The following MAML3 variants were observed in gnomAD, a reference collection of about 807,000 sequenced individuals.
MAML3 encodes mastermind like transcriptional coactivator 3.
In MAML3, 27 loss-of-function variants were observed where a neutral mutation model predicts 101.9. The observed-to-expected ratio is 0.27, with a 90% CI of 0.20 to 0.37. The LOEUF (loss-of-function observed/expected upper bound fraction) is 0.37, where lower values mean the gene tolerates loss of function less well. Ranked by LOEUF, MAML3 falls within the 10% of genes least tolerant of loss-of-function variation. The pLI is 1.00. For missense variants in MAML3, 1,316 were observed against 1,444.9 expected, an observed-to-expected ratio of 0.91 and a Z score of 1.45; for synonymous variants, 501 against 555.9, an observed-to-expected ratio of 0.90 and a Z score of 1.39.
In MAML3 at chr4:139,725,734, G is replaced by A. The variant is rs773479439; in HGVS notation, c.2416+17C>T. 4.3e-6 allele frequency: 7 copies of A among 1,612,144 alleles called. No individual in the cohort carries two copies. The South Asian group carries it at 6.6e-5, about 15-fold the overall frequency. On this transcript the variant is annotated intron_variant, in intron 4 of 4. Coordinates refer to ENST00000509479, the MANE Select transcript of MAML3 (RefSeq NM_018717.5). Reference sequence around the variant, plus strand: ...CCACTGGAAGGTATAAAATGAGAGAGGTTGCACTGGCCTCACCTTGAAACT... The same window carrying A: ...CCACTGGAAGGTATAAAATGAGAGAAGTTGCACTGGCCTCACCTTGAAACT...
intron 1 of MAML3, among the ~76,000 whole-genome samples, chr4:139,927,072 C>CTTTTTTTTTTTTTTTTTTCTT (rs61573991): frequency 3.0e-5 from 4 of 134,728 alleles, no homozygotes; most frequent in Admixed American, 7.4e-5. Context: ...TTTCTTTTTT[C>CTTTTTTTTTTTTTTTTTTCTT]TTTTTTTTTT....
chr4:139,803,045 T>C (rs1029558119), intron 2 of MAML3, among the ~76,000 whole-genome samples: 25 of 152,182 alleles, frequency 1.6e-4, no homozygotes, highest in African/African-American at 4.1e-4. Context: ...ATATCCAGAT[T>C]TGTGGCTCTT....
intron 2 of MAML3, among the ~76,000 whole-genome samples, chr4:139,788,413 A>G (rs1204738737): frequency 1.3e-5 from 2 of 152,166 alleles, no homozygotes; most frequent in East Asian, 1.9e-4. Flanking sequence ...CTTATCTTAG[A>G]TACCAAGAGA....
At chr4:139,866,264 C>A (rs1387785223) in intron 2 of MAML3, among the ~76,000 whole-genome samples, 1 of 152,242 alleles carries the variant, frequency 6.6e-6, no homozygotes, top group Non-Finnish European at 1.5e-5. Context: ...TACATCTGCA[C>A]TCTTGCCTTG....
chr4:140,040,096 G>A (rs1263729803), intron 1 of MAML3, among the ~76,000 whole-genome samples: 1 of 152,166 alleles, frequency 6.6e-6, no homozygotes, highest in East Asian at 1.9e-4. Flanking sequence ...GGGTGCTACC[G>A]AATTCTGACT....
rs575698368 is a variant in MAML3, at chr4:140,036,558, T to C, written c.468+116302A>G. Among the ~76,000 whole-genome samples the C allele has an allele frequency of 3.4e-4, 52 of 152,124 alleles. 2 individuals are homozygous for C. In the South Asian group the frequency reaches 0.01, roughly 30 times the overall value. On this transcript the variant is annotated intron_variant, in intron 1 of 4. Coordinates refer to ENST00000509479, the MANE Select transcript of MAML3 (RefSeq NM_018717.5). ...TGATGGCTCAGTGTAGACTGTACGG[T>C]GTGCCAGAGAGTCCAAGCACAGCTC...
intron 1 of MAML3, among the ~76,000 whole-genome samples, chr4:140,007,267 C>T (rs1161454419): frequency 6.6e-6 from 1 of 152,200 alleles, no homozygotes; most frequent in Non-Finnish European, 1.5e-5. Flanking sequence ...GAAAAGACCT[C>T]ATAGCGGCTA....
At chr4:139,936,043 G>C (rs1001937624) in intron 1 of MAML3, among the ~76,000 whole-genome samples, 10 of 151,848 alleles carry the variant, frequency 6.6e-5, no homozygotes, top group Admixed American at 3.9e-4. Context: ...CATTTTCCCC[G>C]CCTCCCAGCC....
intron 2 of MAML3, among the ~76,000 whole-genome samples, chr4:139,798,157 T>A (rs1279187803): frequency 6.6e-6 from 1 of 151,584 alleles, no homozygotes; most frequent in Non-Finnish European, 1.5e-5. Flanking sequence ...TATACGGGAG[T>A]TCACAGAAGC....
At chr4:140,067,136 G>C (rs748186541) in intron 1 of MAML3, among the ~76,000 whole-genome samples, 5 of 152,010 alleles carry the variant, frequency 3.3e-5, no homozygotes, top group Non-Finnish European at 7.4e-5. Context: ...AAGAACTCAG[G>C]ATAGTAATCA....
At chr4:139,726,224 C>G (rs754918989) in intron 3 of MAML3, among the ~76,000 whole-genome samples, 6 of 152,184 alleles carry the variant, frequency 3.9e-5, no homozygotes, top group Non-Finnish European at 7.4e-5. Flanking sequence ...TTGCATTCAC[C>G]ACTGTATTTG....
intron 2 of MAML3, among the ~76,000 whole-genome samples, chr4:139,829,038 A>AAGGG (rs1263359206): frequency 3.4e-5 from 4 of 117,402 alleles, no homozygotes; most frequent in African/African-American, 1.2e-4. Context: ...CGGACGGACT[A>AAGGG]AGGGAGGGAG....
chr4:140,073,707 AATCC>A (rs920757942), intron 1 of MAML3, among the ~76,000 whole-genome samples: 2 of 152,154 alleles, frequency 1.3e-5, no homozygotes, highest in African/African-American at 4.8e-5. Flanking sequence ...TCTTCAAAAT[AATCC>A]ATATGTTGCT....
chr4:139,969,775 T>C (rs1245592273), intron 1 of MAML3, among the ~76,000 whole-genome samples: 2 of 152,114 alleles, frequency 1.3e-5, no homozygotes, highest in Non-Finnish European at 2.9e-5. Context: ...GCCTCCCCTA[T>C]CTATCTCCTC....
At chr4:139,760,819 G>A (rs1461169736) in intron 2 of MAML3, among the ~76,000 whole-genome samples, 1 of 152,230 alleles carries the variant, frequency 6.6e-6, no homozygotes, top group African/African-American at 2.4e-5. Flanking sequence ...GTGAGAAACA[G>A]CTGGACAACT....
intron 2 of MAML3, chr4:139,794,031 T>A (rs1226558277): frequency 6.6e-6 from 1 of 152,260 alleles, no homozygotes; most frequent in Non-Finnish European, 1.5e-5. Flanking sequence ...TACATGGATA[T>A]TCCATATTCA....
At chr4:139,892,350 T>G (rs566966968) in intron 1 of MAML3, among the ~76,000 whole-genome samples, 20 of 152,288 alleles carry the variant, frequency 1.3e-4, no homozygotes, top group African/African-American at 3.8e-4. Flanking sequence ...GCATTTTTCT[T>G]GAAACCTCCC....
intron 2 of MAML3, among the ~76,000 whole-genome samples, chr4:139,758,598 G>T (rs1236881505): frequency 6.6e-6 from 1 of 152,134 alleles, no homozygotes; most frequent in African/African-American, 2.4e-5. Context: ...CAGGTTTCCT[G>T]CCTCCCCTCC....
intron 2 of MAML3, among the ~76,000 whole-genome samples, chr4:139,823,780 T>G (rs1578618008): frequency 1.3e-5 from 2 of 151,102 alleles, no homozygotes; most frequent in East Asian, 3.9e-4. Flanking sequence ...TCCTATTCTT[T>G]TTTATCCGCT....
Sources: allele counts gnomAD v4.1 joint callset (sites outside exome capture counted in the v4.1 genomes callset), GRCh38; gene constraint gnomAD v4.1.1; transcripts MANE v1.5; gene names NCBI Gene and HGNC (gene_info 2026-07-23, HGNC 2026-07-21).